Variants in CCDC7 observed in about 807,000 individuals in gnomAD.
CCDC7 encodes the protein coiled-coil domain containing 7.
CCDC7 carries 183 observed loss-of-function variants against 196.9 expected under a neutral mutation model. The ratio of observed to expected loss-of-function variants is 0.93; its 90% CI spans 0.82 to 1.05. CCDC7 has a LOEUF of 1.05. Ranked by LOEUF, CCDC7 falls within the 50% of genes least tolerant of loss-of-function variation. CCDC7 has a pLI of 0.00. For missense variants in CCDC7, 1,540 were observed against 1,482.2 expected, an observed-to-expected ratio of 1.04 and a Z score of -0.64; for synonymous variants, 525 against 484.6, an observed-to-expected ratio of 1.08 and a Z score of -1.10.
At chr10:32,447,253 C>T (rs1426896202), upstream of CCDC7, among the ~76,000 whole-genome samples, 1 of 152,144 alleles carries the variant, frequency 6.6e-6, no homozygotes, top group East Asian at 1.9e-4. Context: ...GTTGCCAAAT[C>T]CAGTGTCAGC....
chr10:32,633,696 A>ATATATGTGTGTGTG lies in CCDC7; in HGVS notation c.1802-557_1802-556insATATGTGTGTGTGT, dbSNP rs779341941. Among the ~76,000 whole-genome samples the ATATATGTGTGTGTG allele has an allele frequency of 2.2e-3, 304 of 135,184 alleles. 6 individuals are homozygous for ATATATGTGTGTGTG. The East Asian group carries it at 0.033, about 15-fold the overall frequency. The allele number at this position is 135,184 out of a possible 152,430, so 88.7% of individuals were successfully genotyped here. A position where few individuals can be genotyped will look rare whatever the true frequency, so the allele number is the denominator to read the frequency against. ...TTTAGCTTTGTGTATATATATATAT[A>ATATATGTGTGTGTG]TGTGTGTGTGTGTGTGTGTGTGTGT... On this transcript the variant is annotated intron_variant, in intron 18 of 41. Coordinates refer to ENST00000639629, the Ensembl canonical transcript of CCDC7.
chr10:32,458,193 G>C (rs1482936986), intron 3 of CCDC7, among the ~76,000 whole-genome samples: 1 of 152,026 alleles, frequency 6.6e-6, no homozygotes, highest in Non-Finnish European at 1.5e-5. Flanking sequence ...CTGTTTTTGA[G>C]CTGATTTTTG....
At chr10:32,831,501 A>G (rs1178774296) in intron 32 of CCDC7, among the ~76,000 whole-genome samples, 1 of 152,180 alleles carries the variant, frequency 6.6e-6, no homozygotes, top group East Asian at 1.9e-4. Flanking sequence ...GGACTCTTAT[A>G]ATAACATTTA....
At chr10:32,870,835 C>T (rs9418034) in intron 41 of CCDC7, among the ~76,000 whole-genome samples, 52,180 of 151,882 alleles carry the variant, frequency 0.34, 11,341 homozygotes, top group Non-Finnish European at 0.49. Context: ...AGGCTTTTTC[C>T]GCATCTATTG....
chr10:32,492,023 A>T (rs2042227581), intron 9 of CCDC7, 26 bp downstream of exon 10: 1 of 1,501,692 alleles, frequency 6.7e-7, no homozygotes, highest in African/African-American at 1.4e-5. Context: ...TTTGCATTTT[A>T]TTATTTTTCT....
chr10:32,617,434 A>C (rs1287878161), intron 18 of CCDC7, among the ~76,000 whole-genome samples: 1 of 149,254 alleles, frequency 6.7e-6, no homozygotes, highest in South Asian at 2.1e-4. Context: ...AATGCTATAA[A>C]CCCCTCTTAG....
intron 18 of CCDC7, chr10:32,623,888 A>C: frequency 2.4e-6 from 1 of 420,244 alleles, no homozygotes; most frequent in Non-Finnish European, 4.9e-6. Context: ...GCCTGAACTG[A>C]GTGAGAACTC....
intron 13 of CCDC7, among the ~76,000 whole-genome samples, chr10:32,562,500 T>C (rs1477324865): frequency 6.6e-6 from 1 of 152,064 alleles, no homozygotes; most frequent in East Asian, 1.9e-4. Flanking sequence ...GTTCAATATA[T>C]GCAAATCAAT....
At chr10:32,472,394 G>A in intron 6 of CCDC7, 87 bp from the exon 8 acceptor site, 6 of 1,214,574 alleles carry the variant, frequency 4.9e-6, no homozygotes, top group Non-Finnish European at 5.5e-6. Context: ...TCATATGTCT[G>A]GACTTCACAT....
intron 20 of CCDC7, among the ~76,000 whole-genome samples, chr10:32,650,441 C>G (rs1048637624): frequency 7.0e-4 from 106 of 152,294 alleles, no homozygotes; most frequent in African/African-American, 2.4e-3. Flanking sequence ...CCAGGCTTGC[C>G]CATGAGCCTT....
intron 28 of CCDC7, among the ~76,000 whole-genome samples, chr10:32,745,959 T>TG (rs1565372418): frequency 6.6e-6 from 1 of 152,182 alleles, no homozygotes; most frequent in South Asian, 2.1e-4. Context: ...TATTCAATTT[T>TG]GGGGGGCACT....
intron 15 of CCDC7, among the ~76,000 whole-genome samples, chr10:32,570,678 A>G (rs746371221): frequency 3.9e-5 from 6 of 152,230 alleles, no homozygotes; most frequent in Non-Finnish European, 7.3e-5. Context: ...GAGGACAAAC[A>G]TGAGTAATTT....
chr10:32,777,340 G>A (rs758163131), intron 28 of CCDC7, among the ~76,000 whole-genome samples: 2 of 152,244 alleles, frequency 1.3e-5, no homozygotes, highest in Non-Finnish European at 2.9e-5. Flanking sequence ...TGTGGTGAAC[G>A]TATGGATGCA....
At chr10:32,618,009 T>A (rs2062963728) in intron 18 of CCDC7, among the ~76,000 whole-genome samples, 1 of 151,944 alleles carries the variant, frequency 6.6e-6, no homozygotes, top group Non-Finnish European at 1.5e-5. Flanking sequence ...CTTGTATTAC[T>A]TTTTTTGATC....
intron 11 of CCDC7, among the ~76,000 whole-genome samples, chr10:32,526,635 C>G (rs1039870043): frequency 1.3e-5 from 2 of 152,194 alleles, no homozygotes; most frequent in South Asian, 2.1e-4. Context: ...ATGACTCCTG[C>G]TAGTACTGGG....
chr10:32,739,343 T>C (rs781364710), intron 28 of CCDC7, among the ~76,000 whole-genome samples: 1 of 152,142 alleles, frequency 6.6e-6, no homozygotes, highest in Non-Finnish European at 1.5e-5. Context: ...CTCTTTTCAA[T>C]TTTAGAAGTT....
chr10:32,561,985 C>A (rs1023909095), intron 13 of CCDC7, among the ~76,000 whole-genome samples: 8 of 152,166 alleles, frequency 5.3e-5, no homozygotes, highest in Non-Finnish European at 1.0e-4. Flanking sequence ...ACCGATCCCA[C>A]AGAAATACAA....
At chr10:32,591,579 G>T (rs2059786858) in intron 18 of CCDC7, among the ~76,000 whole-genome samples, 1 of 148,280 alleles carries the variant, frequency 6.7e-6, no homozygotes, top group African/African-American at 2.6e-5. Context: ...AAGCCTCATG[G>T]TAACCTCAAA....
At chr10:32,840,565 A>G (rs2092910460) in intron 33 of CCDC7, among the ~76,000 whole-genome samples, 1 of 151,870 alleles carries the variant, frequency 6.6e-6, no homozygotes, top group Non-Finnish European at 1.5e-5. Flanking sequence ...CGGCTGTACT[A>G]TCTGACATTC....
Sources: allele counts gnomAD v4.1 joint callset (sites outside exome capture counted in the v4.1 genomes callset), GRCh38; gene constraint gnomAD v4.1.1; transcripts MANE v1.5; gene names NCBI Gene and HGNC (gene_info 2026-07-23, HGNC 2026-07-21).